Variants in DONSON observed in about 807,000 individuals in gnomAD.
DONSON encodes DNA replication fork stabilization factor DONSON, also known as protein downstream neighbor of Son.
A neutral mutation model predicts 62.1 loss-of-function variants in DONSON; 43 were observed. The observed-to-expected ratio is 0.69, with a 90% CI of 0.54 to 0.89. The LOEUF (loss-of-function observed/expected upper bound fraction) is 0.89. DONSON is among the 40% of genes least tolerant of loss of function. DONSON has a pLI of 0.00. For missense variants in DONSON, 696 were observed against 697.5 expected, an observed-to-expected ratio of 1.00 and a Z score of 0.03; for synonymous variants, 266 against 264.6, an observed-to-expected ratio of 1.01 and a Z score of -0.05.
chr21:33,578,790 A>G (rs1260723393), intron 9 of DONSON, among the ~76,000 whole-genome samples: 1 of 152,228 alleles, frequency 6.6e-6, no homozygotes, highest in Non-Finnish European at 1.5e-5. Context: ...GCAAGAGGAA[A>G]TGAAAAAGCT....
rs556385827 is a variant in DONSON at position 33,580,797 on chromosome 21, G to A, written c.1350+505C>T. ...CTCGAGAGGCTGAGGCAGAAGAATC[G>A]CTTGAACCCCAGAGTTGGAGGCTGC... On this transcript the variant is annotated intron_variant, in intron 8 of 9. Transcript: ENST00000303071. 1.2e-3 allele frequency among the ~76,000 whole-genome samples: 177 copies of A among 152,064 alleles called. 1 individual carries two copies. The highest frequency in any genetic ancestry group is 4.2e-3 in the African/African-American group (174 of 41,476).
intron 8 of DONSON, 158 bp from the exon 9 acceptor site, chr21:33,579,720 A>T (rs2086483969): frequency 3.6e-6 from 2 of 559,878 alleles, no homozygotes; most frequent in East Asian, 5.6e-5. Flanking sequence ...TTATGTGAGT[A>T]CAAATACTTA....
chr21:33,581,928 G>T (rs375647265), intron 7 of DONSON, 23 bp downstream of exon 7: 1 of 1,601,558 alleles, frequency 6.2e-7, no homozygotes, highest in East Asian at 2.2e-5. Flanking sequence ...ATTAATTCTA[G>T]TTAACAACAA....
At position 33,579,389 on chromosome 21, in the gene DONSON, T is replaced by A. The variant is rs762016125; in HGVS notation, c.1524A>T (p.Val508=). ...TGTCCATTTGCAGGCAGATGTTAAA[T>A]ACAGCAGTTGGCTCGTGTGGATACA... ...AVLYPHEPTA[V]FNICLQMDKV... The change falls in exon 9 of 10, where the codon GTA becomes GTT. Residue 508 remains valine, a synonymous_variant. Coordinates refer to ENST00000303071, the MANE Select transcript of DONSON (RefSeq NM_017613.4). 6.9e-5 allele frequency: 112 copies of A among 1,611,590 alleles called. No individual in the cohort carries two copies. The highest frequency in any genetic ancestry group is 2.2e-5 in the Non-Finnish European group (26 of 1,178,174).
In DONSON at chr21:33,587,320, C is replaced by A. The variant is rs1210177649; in HGVS notation, c.402+202G>T. The A allele has an allele frequency of 7.3e-6, 7 of 963,404 alleles. No homozygotes were observed. The African/African-American group carries it at 1.1e-4, about 15-fold the overall frequency. 59.7% of individuals were successfully genotyped at this position (963,404 alleles called of 1,614,324 possible). On this transcript the variant is annotated intron_variant, in intron 2 of 9. Transcript: ENST00000303071. ...TAGCGCTGGCTATCTTTACAGTCATCATTACTGTATCAAACCAACTCCTTT... is the reference window on the plus strand; with the variant it reads ...TAGCGCTGGCTATCTTTACAGTCATAATTACTGTATCAAACCAACTCCTTT...
chr21:33,584,014 T>TTATA (rs57309977), intron 4 of DONSON, among the ~76,000 whole-genome samples: 2,636 of 121,390 alleles, frequency 0.022, 35 homozygotes, highest in Middle Eastern at 0.039. Flanking sequence ...GGCTGCGTGT[T>TTATA]TATATATATA....
chr21:33,588,126 G>C, intron 1 of DONSON, among the ~76,000 whole-genome samples, 195 bp downstream of exon 1: 1 of 152,162 alleles, frequency 6.6e-6, no homozygotes, highest in East Asian at 1.9e-4. Flanking sequence ...GGGTAGCCAG[G>C]GGAGCGCTCT....
chr21:33,584,170 G>A (rs934101953), intron 4 of DONSON, among the ~76,000 whole-genome samples: 8 of 150,412 alleles, frequency 5.3e-5, no homozygotes, highest in Non-Finnish European at 1.2e-4. Flanking sequence ...TCAGCCTCCC[G>A]AGTAGCTGTG....
chr21:33,583,335 T>A (rs1192669945), intron 5 of DONSON, among the ~76,000 whole-genome samples, 153 bp downstream of exon 5: 1 of 151,126 alleles, frequency 6.6e-6, no homozygotes, highest in Non-Finnish European at 1.5e-5. Flanking sequence ...TAAATAATTG[T>A]GGGGGAGGGA....
In DONSON at chr21:33,588,614, G is replaced by A. The variant is rs1454189404; in HGVS notation, c.28C>T (p.Pro10Ser). Residue 10 changes from proline to serine, a missense_variant, in exon 1 of 10, where the codon CCG (proline) becomes TCG (serine). Physicochemically the swap from Pro to Ser is moderately conservative, Grantham distance 74. Transcript: ENST00000303071. MALSVPGYS[P>S]GFRKPPEVVR... The stretch of plus-strand genomic sequence containing the variant: ...ACCTCGGGCGGCTTTCGGAAGCCCG[G>A]TGAGTAGCCGGGCACCGAAAGGGCC... The A allele has an allele frequency of 4.0e-6, 5 of 1,246,818 alleles. No homozygotes were observed. Among genetic ancestry groups the A allele is most frequent in the Non-Finnish European group, 5.0e-6 (5 of 994,374 alleles). 77.2% of individuals were successfully genotyped at this position (1,246,818 alleles called of 1,614,324 possible). A position where few individuals can be genotyped will look rare whatever the true frequency, so the allele number is the denominator to read the frequency against.
Position 33,585,994 on chromosome 21 carries a change from A to C in DONSON, c.590T>G (p.Leu197Trp), listed in dbSNP as rs771356652. ...VQHCRATEVT[L>W]PKSIQDPKLS... ...CAGAGTTACCTGTATACTTTTAGGCAAAGTAACTTCTGTTGCCCTACAATG... is the reference window on the plus strand; with the variant it reads ...CAGAGTTACCTGTATACTTTTAGGCCAAGTAACTTCTGTTGCCCTACAATG... Residue 197 changes from leucine to tryptophan, a missense_variant, in exon 3 of 10, where the codon TTG (leucine) becomes TGG (tryptophan). Physicochemically the swap from Leu to Trp is moderately conservative, Grantham distance 61 (BLOSUM62 -2). Transcript: ENST00000303071. 5 of 1,614,178 alleles carry C rather than the reference A, an allele frequency of 3.1e-6. No individual in the cohort carries two copies. The East Asian group carries it at 1.1e-4, about 36-fold the overall frequency.
In DONSON at chr21:33,582,253, G is replaced by A. The variant is rs537071886; in HGVS notation, c.965-7C>T. 1.2e-6 allele frequency: 2 copies of A among 1,605,678 alleles called. No homozygotes were observed. The highest frequency in any genetic ancestry group is 1.3e-5 in the African/African-American group (1 of 74,816). On this transcript the variant is annotated splice_polypyrimidine_tract_variant and splice_region_variant and intron_variant, in intron 5 of 9. Transcript: ENST00000303071. ...GGCAGAGAAAATTCAATACCTATATGAGGAACAAAAATGTAACTGAGTTGT... is the reference window on the plus strand; with the variant it reads ...GGCAGAGAAAATTCAATACCTATATAAGGAACAAAAATGTAACTGAGTTGT...
At chr21:33,587,881 T>C (rs746872660) in intron 1 of DONSON, among the ~76,000 whole-genome samples, 4 of 152,168 alleles carry the variant, frequency 2.6e-5, no homozygotes, top group Non-Finnish European at 5.9e-5. Context: ...ATCCTCGACA[T>C]TCCCCCATCT....
chr21:33,588,638 C>T lies in DONSON; in HGVS notation c.4G>A (p.Ala2Thr). 8.1e-7 allele frequency: 1 copy of T among 1,234,356 alleles called. No individual in the cohort carries two copies. Among genetic ancestry groups the T allele is most frequent in the Non-Finnish European group, 1.0e-6 (1 of 988,446 alleles). The allele number at this position is 1,234,356 out of a possible 1,614,324, so 76.5% of individuals were successfully genotyped here. A position where few individuals can be genotyped will look rare whatever the true frequency, so the allele number is the denominator to read the frequency against. Residue 2 changes from alanine to threonine, a missense_variant, in exon 1 of 10, where the codon GCC becomes ACC. By Grantham distance (58) the Ala-to-Thr change is moderately conservative. Transcript: ENST00000303071. Reference protein sequence around the residue: MALSVPGYSPGF... With the variant: MTLSVPGYSPGF... ...GGTGAGTAGCCGGGCACCGAAAGGG[C>T]CATGACGCGCGGCGGCTGAGGGTAG...
At chr21:33,587,384 G>T (rs1007383472) in intron 2 of DONSON, 138 bp downstream of exon 2, 138 of 1,394,550 alleles carry the variant, frequency 9.9e-5, no homozygotes, top group Non-Finnish European at 1.2e-4. Context: ...TGGTTGAGAT[G>T]ATCAAGCCTC....
At position 33,578,327 on chromosome 21, in the gene DONSON, T is replaced by C; in HGVS notation, c.1681A>G (p.Ile561Val). 1.2e-6 allele frequency: 2 copies of C among 1,613,836 alleles called. No homozygotes were observed. Among genetic ancestry groups the C allele is most frequent in the South Asian group, 1.1e-5 (1 of 91,016 alleles). ...GGTGTTCAGGATCTCCAATTATAAA[T>C]GTAGTCTCTCAGCACCACATTCCGT... ...SLRNVVLRDYIYNWRS is the reference protein window; with the variant it reads ...SLRNVVLRDYVYNWRS The change falls in exon 10 of 10, where the codon ATT becomes GTT. Residue 561 changes from isoleucine (I) to valine (V), a missense_variant. Ile to Val is a conservative substitution (Grantham distance 29, BLOSUM62 3). Coordinates refer to ENST00000303071, the MANE Select transcript of DONSON (RefSeq NM_017613.4).
At chr21:33,580,306 C>T (rs972276996) in intron 8 of DONSON, among the ~76,000 whole-genome samples, 1 of 149,370 alleles carries the variant, frequency 6.7e-6, no homozygotes, top group South Asian at 2.2e-4. Flanking sequence ...TGCCTGTAAT[C>T]CCAGCACTTT....
In DONSON at chr21:33,588,360, G is replaced by T; in HGVS notation, c.282C>A (p.Pro94=). ...DNRPRVAAEP[P]DGPAREQPEA... is the part of the protein sequence containing the mutation. ...CCGGCTGCTCGCGGGCCGGCCCGTC[G>T]GGGGGCTCCGCGGCGACCCGCGGTC... The change falls in exon 1 of 10, where the codon CCC becomes CCA. Residue 94 remains proline, a synonymous_variant. Transcript: ENST00000303071. The T allele has an allele frequency of 7.7e-7, 1 of 1,292,694 alleles. No individual in the cohort carries two copies. Among genetic ancestry groups the T allele is most frequent in the East Asian group, 3.0e-5 (1 of 33,006 alleles). The allele number at this position is 1,292,694 out of a possible 1,614,324, so 80.1% of individuals were successfully genotyped here. A position where few individuals can be genotyped will look rare whatever the true frequency, so the allele number is the denominator to read the frequency against.
chr21:33,586,710 T>C (rs2086581148), intron 2 of DONSON, among the ~76,000 whole-genome samples: 1 of 151,216 alleles, frequency 6.6e-6, no homozygotes. Context: ...CTCGGCTCAG[T>C]ACCAACCTCT....
Sources: gnomAD v4.1 joint callset for allele counts (sites outside exome capture counted in the v4.1 genomes callset) on GRCh38, gnomAD v4.1.1 for gene constraint, MANE v1.5 for transcripts, NCBI Gene and HGNC (gene_info 2026-07-23, HGNC 2026-07-21) for gene names.